POU6F2: variants seen among roughly 807,000 people sequenced by gnomAD.
The protein encoded by POU6F2 is POU domain, class 6, transcription factor 2.
POU6F2 carries 31 observed loss-of-function variants against 71.3 expected under a neutral mutation model. The observed-to-expected ratio is 0.43, with a 90% CI of 0.33 to 0.59. The LOEUF (loss-of-function observed/expected upper bound fraction) is 0.59. POU6F2 is among the 20% of genes least tolerant of loss of function. The pLI is 0.04. For synonymous variants in POU6F2, 347 were observed against 355.7 expected, an observed-to-expected ratio of 0.98 and a Z score of 0.27; for missense variants, 783 against 856.8, an observed-to-expected ratio of 0.91 and a Z score of 1.07.
At chr7:39,080,125 A>G (rs1407234910) in intron 1 of POU6F2, among the ~76,000 whole-genome samples, 1 of 152,246 alleles carries the variant, frequency 6.6e-6, no homozygotes, top group Non-Finnish European at 1.5e-5. Context: ...AAAGTCAAAT[A>G]GAAGTTCTTA....
chr7:39,394,912 G>A (rs1583571196), intron 5 of POU6F2, among the ~76,000 whole-genome samples: 1 of 152,216 alleles, frequency 6.6e-6, no homozygotes, highest in East Asian at 1.9e-4. Context: ...GAAGCTTGCA[G>A]GGAGAGACCA....
intron 1 of POU6F2, among the ~76,000 whole-genome samples, chr7:39,041,037 G>C (rs992294590): frequency 5.3e-5 from 8 of 151,936 alleles, no homozygotes; most frequent in Non-Finnish European, 7.4e-5. Flanking sequence ...TCACCTCATG[G>C]ACATCAGCAA....
At chr7:39,454,682 AT>A (rs1417846271) in intron 8 of POU6F2, among the ~76,000 whole-genome samples, 2 of 14,320 alleles carry the variant, frequency 1.4e-4, no homozygotes, top group Non-Finnish European at 2.2e-4. Flanking sequence ...ATATATATAT[AT>A]ATATATATAT....
At chr7:39,036,727 C>T (rs6952464) in intron 1 of POU6F2, among the ~76,000 whole-genome samples, 50,547 of 151,506 alleles carry the variant, frequency 0.33, 9,041 homozygotes, top group East Asian at 0.74. Context: ...TGGAAAAATA[C>T]ATTTTATGCA....
chr7:39,027,886 C>CA (rs1789849191), intron 1 of POU6F2, among the ~76,000 whole-genome samples: 1 of 152,026 alleles, frequency 6.6e-6, no homozygotes, highest in South Asian at 2.1e-4. Context: ...ACCTGGGGTA[C>CA]AAGTATACTC....
At chr7:39,258,782 A>C (rs1438091405) in intron 4 of POU6F2, among the ~76,000 whole-genome samples, 2 of 152,122 alleles carry the variant, frequency 1.3e-5, no homozygotes, top group Non-Finnish European at 2.9e-5. Context: ...CCAGGTGGGC[A>C]GAAAATCACA....
chr7:39,240,637 T>C (rs974916613), intron 4 of POU6F2, among the ~76,000 whole-genome samples: 6 of 152,270 alleles, frequency 3.9e-5, no homozygotes, highest in African/African-American at 1.4e-4. Flanking sequence ...TTGTTTACTC[T>C]GGCATCCCCA....
intron 1 of POU6F2, among the ~76,000 whole-genome samples, chr7:39,032,400 C>T (rs1298333645): frequency 6.6e-6 from 1 of 152,142 alleles, no homozygotes; most frequent in Non-Finnish European, 1.5e-5. Flanking sequence ...GGCATGCAGC[C>T]GCCATCCCTG....
chr7:39,415,963 G>A (rs987782303), intron 6 of POU6F2, among the ~76,000 whole-genome samples: 1 of 152,014 alleles, frequency 6.6e-6, no homozygotes, highest in Non-Finnish European at 1.5e-5. Flanking sequence ...ATTTTCTCGG[G>A]TTCAGAGTCC....
At chr7:39,300,692 A>G (rs1033516013) in intron 4 of POU6F2, among the ~76,000 whole-genome samples, 1 of 152,050 alleles carries the variant, frequency 6.6e-6, no homozygotes, top group African/African-American at 2.4e-5. Flanking sequence ...CTTCTCCCTG[A>G]GAGGTCACAT....
chr7:39,175,794 G>T (rs549048942), intron 2 of POU6F2, among the ~76,000 whole-genome samples: 1 of 151,882 alleles, frequency 6.6e-6, no homozygotes, highest in African/African-American at 2.4e-5. Context: ...GATTTATCTC[G>T]CAGACTAGCA....
chr7:39,088,796 G>T (rs1187858884), intron 2 of POU6F2, among the ~76,000 whole-genome samples: 1 of 152,064 alleles, frequency 6.6e-6, no homozygotes, highest in Non-Finnish European at 1.5e-5. Context: ...GGATTTCTTT[G>T]AAGCCTCTTC....
At chr7:39,109,412 C>G (rs543132774) in intron 2 of POU6F2, among the ~76,000 whole-genome samples, 1 of 152,286 alleles carries the variant, frequency 6.6e-6, no homozygotes, top group Admixed American at 6.5e-5. Context: ...GAAAGCACCA[C>G]AGTTGTATGT....
rs73371303 is a variant in POU6F2 at position 39,029,782 on chromosome 7, A to G, written c.105+51724A>G. Among the ~76,000 whole-genome samples, 933 of 152,288 alleles carry G rather than the reference A, an allele frequency of 6.1e-3. 9 individuals are homozygous for G. The highest frequency in any genetic ancestry group is 0.022 in the African/African-American group (898 of 41,562). On this transcript the variant is annotated intron_variant, in intron 1 of 9. Coordinates refer to ENST00000518318, the MANE Select transcript of POU6F2 (RefSeq NM_001370959.1). ...AATTATTATCAAATGCTTTTTCTGT[A>G]TACATTAAAATGATCACATAATTGT...
chr7:39,413,720 A>G (rs1313082726), intron 6 of POU6F2, among the ~76,000 whole-genome samples: 1 of 152,158 alleles, frequency 6.6e-6, no homozygotes, highest in South Asian at 2.1e-4. Context: ...CTTTCTAGAG[A>G]CTGGGAAATA....
At chr7:39,317,181 C>T (rs538255848) in intron 4 of POU6F2, among the ~76,000 whole-genome samples, 1 of 152,188 alleles carries the variant, frequency 6.6e-6, no homozygotes, top group Non-Finnish European at 1.5e-5. Flanking sequence ...AGCTGCTTAA[C>T]CTGGCCTTGC....
At chr7:39,428,029 A>G (rs1397531923) in intron 6 of POU6F2, among the ~76,000 whole-genome samples, 2 of 152,234 alleles carry the variant, frequency 1.3e-5, no homozygotes, top group African/African-American at 2.4e-5. Context: ...ATGTAAGGAT[A>G]ACCTCATGAC....
chr7:39,265,822 G>T (rs1784228401), intron 4 of POU6F2, among the ~76,000 whole-genome samples: 1 of 152,192 alleles, frequency 6.6e-6, no homozygotes, highest in Non-Finnish European at 1.5e-5. Flanking sequence ...GTGATCTCCA[G>T]TGAATTAATA....
chr7:39,251,103 G>A (rs868569726), intron 4 of POU6F2, among the ~76,000 whole-genome samples: 2 of 152,112 alleles, frequency 1.3e-5, no homozygotes, highest in African/African-American at 2.4e-5. Flanking sequence ...ATCTAAACAC[G>A]ATTTGGTTTA....
Sources: gnomAD v4.1 joint callset for allele counts (sites outside exome capture counted in the v4.1 genomes callset) on GRCh38, gnomAD v4.1.1 for gene constraint, MANE v1.5 for transcripts, NCBI Gene and HGNC (gene_info 2026-07-23, HGNC 2026-07-21) for gene names.